SLMAP: variants seen among roughly 807,000 people sequenced by gnomAD.
The protein encoded by SLMAP is sarcolemmal membrane-associated protein.
Under a neutral mutation model 128.8 loss-of-function variants are expected in SLMAP, and 44 were observed. That is an observed-to-expected ratio of 0.34 (90% CI 0.27 to 0.44). The LOEUF (loss-of-function observed/expected upper bound fraction) is 0.44, where lower values mean the gene tolerates loss of function less well. Among genes scored for constraint, SLMAP ranks in the 20% least tolerant of loss-of-function variants. The pLI is 1.00. For synonymous variants in SLMAP, 327 were observed against 348.8 expected (o/e 0.94, Z 0.70); for missense variants, 787 against 985.3 (o/e 0.80, Z 2.69).
intron 2 of SLMAP, among the ~76,000 whole-genome samples, chr3:57,808,397 T>C (rs1237734054): frequency 6.6e-6 from 1 of 152,198 alleles, no homozygotes. Flanking sequence ...GGGCATTTAG[T>C]GCTTTAAATT....
intron 6 of SLMAP, among the ~76,000 whole-genome samples, chr3:57,852,004 G>T (rs7617014): frequency 6.6e-6 from 1 of 152,090 alleles, no homozygotes; most frequent in Non-Finnish European, 1.5e-5. Flanking sequence ...TCCACTTCCC[G>T]GGTTCAAGCG....
intron 7 of SLMAP, 117 bp from the exon 8 acceptor site, chr3:57,857,971 T>A: frequency 1.1e-6 from 1 of 910,802 alleles, no homozygotes; most frequent in Non-Finnish European, 1.8e-6. Flanking sequence ...CATTTTACAG[T>A]GGATGCTGGT....
At chr3:57,840,090 G>A (rs551358652) in intron 3 of SLMAP, among the ~76,000 whole-genome samples, 83 of 152,218 alleles carry the variant, frequency 5.5e-4, no homozygotes, top group African/African-American at 1.9e-3. Context: ...CAAAGTACTG[G>A]GATTACAGGC....
At chr3:57,806,818 A>G (rs879910034) in intron 2 of SLMAP, among the ~76,000 whole-genome samples, 14 of 152,230 alleles carry the variant, frequency 9.2e-5, no homozygotes, top group Non-Finnish European at 1.3e-4. Context: ...TAGTGCTGCA[A>G]TAAACATATG....
At chr3:57,918,750 A>G (rs1341019109) in intron 22 of SLMAP, among the ~76,000 whole-genome samples, 1 of 152,212 alleles carries the variant, frequency 6.6e-6, no homozygotes, top group Non-Finnish European at 1.5e-5. Context: ...CCCCTTCAGC[A>G]TTTCCCCTTT....
chr3:57,861,811 C>A, intron 9 of SLMAP, 138 bp from the exon 10 acceptor site: 1 of 640,094 alleles, frequency 1.6e-6, no homozygotes, highest in Non-Finnish European at 2.6e-6. Flanking sequence ...TTTGACTCAG[C>A]TTTATTTAAA....
chr3:57,850,841 C>T (rs1391430462), intron 6 of SLMAP, among the ~76,000 whole-genome samples: 1 of 152,010 alleles, frequency 6.6e-6, no homozygotes, highest in East Asian at 1.9e-4. Flanking sequence ...TACCATGTTG[C>T]CCAGGGTGGT....
intron 2 of SLMAP, among the ~76,000 whole-genome samples, chr3:57,793,921 G>A (rs1175064467): frequency 6.6e-6 from 1 of 150,410 alleles, no homozygotes; most frequent in Non-Finnish European, 1.5e-5. Flanking sequence ...AAAAAATCCT[G>A]CTGGGTGTGA....
At chr3:57,790,975 T>C (rs1239270593) in intron 2 of SLMAP, among the ~76,000 whole-genome samples, 1 of 152,168 alleles carries the variant, frequency 6.6e-6, no homozygotes, top group East Asian at 1.9e-4. Context: ...GGTTCTAGGA[T>C]GGAAAAACTT....
At chr3:57,828,908 G>A (rs1415480199) in intron 2 of SLMAP, among the ~76,000 whole-genome samples, 1 of 152,040 alleles carries the variant, frequency 6.6e-6, no homozygotes, top group Non-Finnish European at 1.5e-5. Context: ...AACCTCCCGA[G>A]TAGTTGGGAC....
intron 2 of SLMAP, among the ~76,000 whole-genome samples, chr3:57,805,055 T>G (rs1283218198): frequency 6.6e-6 from 1 of 152,238 alleles, no homozygotes; most frequent in African/African-American, 2.4e-5. Context: ...CAAGTCATTA[T>G]GGTTTCTCTT....
At position 57,925,950 on chromosome 3, in the gene SLMAP, T is replaced by C. The variant is rs1333952798; in HGVS notation, c.*6+16T>C. On this transcript the variant is annotated intron_variant, in intron 24 of 24. Transcript: ENST00000671191. Reference sequence around the variant, plus strand: ...GTAGAGAAAGGTACAAGCACTATTGTTGAGTCCTTGTCTGTTTGTCCCCGT... The same window carrying C: ...GTAGAGAAAGGTACAAGCACTATTGCTGAGTCCTTGTCTGTTTGTCCCCGT... 1.3e-6 allele frequency: 2 copies of C among 1,519,856 alleles called. No homozygotes were observed. The highest frequency in any genetic ancestry group is 1.8e-6 in the Non-Finnish European group (2 of 1,118,576). 94.1% of individuals were successfully genotyped at this position (1,519,856 alleles called of 1,614,324 possible). A position where few individuals can be genotyped will look rare whatever the true frequency, so the allele number is the denominator to read the frequency against.
At position 57,917,090 on chromosome 3, in the gene SLMAP, G is replaced by A. The variant is rs776442714; in HGVS notation, c.2310+13G>A. The A allele has an allele frequency of 2.5e-6, 4 of 1,613,444 alleles. No individual in the cohort carries two copies. The East Asian group carries it at 8.9e-5, about 36-fold the overall frequency. On this transcript the variant is annotated intron_variant, in intron 22 of 24. Transcript: ENST00000671191. ...TGTGCAGAAAGAGGTAAAGCGAAAA[G>A]ACATTATGAGCCCAATTATGGTTGG...
chr3:57,887,014 T>C (rs1277235363), intron 14 of SLMAP, among the ~76,000 whole-genome samples: 3 of 152,092 alleles, frequency 2.0e-5, no homozygotes, highest in Non-Finnish European at 4.4e-5. Context: ...ATAGTGAATA[T>C]ACTAAATTCT....
intron 20 of SLMAP, among the ~76,000 whole-genome samples, chr3:57,912,934 A>G (rs779644757): frequency 6.6e-6 from 1 of 152,176 alleles, no homozygotes; most frequent in Non-Finnish European, 1.5e-5. Flanking sequence ...TGCTTGTCTT[A>G]TAAAAGTGAA....
At chr3:57,777,450 T>C (rs538595252) in intron 2 of SLMAP, among the ~76,000 whole-genome samples, 53 of 152,218 alleles carry the variant, frequency 3.5e-4, no homozygotes, top group African/African-American at 1.3e-3. Context: ...CCAGGCGCAG[T>C]GGCACTTGCT....
At chr3:57,837,360 TTTTGTTTG>T (rs370895839) in intron 3 of SLMAP, among the ~76,000 whole-genome samples, 1 of 152,118 alleles carries the variant, frequency 6.6e-6, no homozygotes, top group Non-Finnish European at 1.5e-5. Flanking sequence ...TTCATCTATC[TTTTGTTTG>T]TTTGTTTGTT....
chr3:57,793,687 C>G (rs2086024599), intron 2 of SLMAP, among the ~76,000 whole-genome samples: 1 of 152,050 alleles, frequency 6.6e-6, no homozygotes, highest in Non-Finnish European at 1.5e-5. Context: ...TGAAATCTGC[C>G]CATATCTCCT....
Position 57,929,975 on chromosome 3 carries a change from A to G in SLMAP, c.*2686A>G, listed in dbSNP as rs2097053026. 6.6e-6 allele frequency among the ~76,000 whole-genome samples: 1 copy of G among 152,214 alleles called. No homozygotes were observed. Among genetic ancestry groups the G allele is most frequent in the Non-Finnish European group, 1.5e-5 (1 of 68,038 alleles). The stretch of plus-strand genomic sequence containing the variant: ...TTTAGGTAAGCCTAAACTTTAATCT[A>G]CTTTAATTAAATGAATTGATTGACT... On this transcript the variant is annotated 3_prime_UTR_variant, in exon 25 of 25. Transcript: ENST00000671191.
Sources: allele counts gnomAD v4.1 joint callset (sites outside exome capture counted in the v4.1 genomes callset), GRCh38; gene constraint gnomAD v4.1.1; transcripts MANE v1.5; gene names NCBI Gene and HGNC (gene_info 2026-07-23, HGNC 2026-07-21).